Variants in ZBTB43 observed in about 807,000 individuals in gnomAD.
The protein encoded by ZBTB43 is zinc finger and BTB domain containing 43, also known as zinc finger and BTB domain-containing protein 43.
ZBTB43 carries 6 observed loss-of-function variants against 31.1 expected under a neutral mutation model. The observed-to-expected ratio is 0.19, with a 90% CI of 0.11 to 0.38. The LOEUF (loss-of-function observed/expected upper bound fraction) is 0.38, where lower values mean the gene tolerates loss of function less well. Ranked by LOEUF, ZBTB43 falls within the 10% of genes least tolerant of loss-of-function variation. The pLI is 1.00. For synonymous variants in ZBTB43, 212 were observed against 221.7 expected (o/e 0.96, Z 0.39); for missense variants, 379 against 602.1 (o/e 0.63, Z 3.88).
upstream of ZBTB43, chr9:126,804,916 A>T (rs1038984782): frequency 3.9e-5 from 6 of 152,390 alleles, no homozygotes; most frequent in African/African-American, 9.7e-5. Context: ...CTCTCTCCCG[A>T]CGCCCAGCTC....
intron 2 of ZBTB43, among the ~76,000 whole-genome samples, chr9:126,811,875 C>T (rs1378399704): frequency 2.6e-5 from 4 of 152,204 alleles, no homozygotes; most frequent in Admixed American, 2.6e-4. Context: ...CCACCCACCT[C>T]GGCCTCCCGA....
Position 126,805,067 on chromosome 9 carries a change from A to G in ZBTB43, c.-212A>G, listed in dbSNP as rs1479793574. 2 of 152,450 alleles carry G rather than the reference A, an allele frequency of 1.3e-5. No individual in the cohort carries two copies. Among genetic ancestry groups the G allele is most frequent in the African/African-American group, 2.4e-5 (1 of 41,464 alleles). 9.4% of individuals were successfully genotyped at this position (152,450 alleles called of 1,614,324 possible). Reference sequence around the variant, plus strand: ...ATCTGTTGCGGCAGCTGAGGCTACAACAGGCCTGCGCCGGCGGCAGAGAGG... The same window carrying G: ...ATCTGTTGCGGCAGCTGAGGCTACAGCAGGCCTGCGCCGGCGGCAGAGAGG... On this transcript the variant is annotated 5_prime_UTR_variant, in exon 1 of 3. Transcript: ENST00000373464.
chr9:126,831,074 G>A (rs79064521), intron 2 of ZBTB43, among the ~76,000 whole-genome samples: 1,631 of 152,182 alleles, frequency 0.011, 29 homozygotes, highest in African/African-American at 0.037. Flanking sequence ...GCAGCAGCTG[G>A]AGAAATCTGC....
intron 2 of ZBTB43, among the ~76,000 whole-genome samples, chr9:126,829,346 A>G (rs1179811074): frequency 6.6e-6 from 1 of 152,228 alleles, no homozygotes; most frequent in Non-Finnish European, 1.5e-5. Flanking sequence ...TAGTTATGCA[A>G]AAATATCTAT....
At chr9:126,826,139 G>A (rs1187333480) in intron 2 of ZBTB43, among the ~76,000 whole-genome samples, 32 of 150,942 alleles carry the variant, frequency 2.1e-4, no homozygotes, top group African/African-American at 5.1e-4. Context: ...TCAGCCTCCC[G>A]AGTAGCTGGT....
At chr9:126,832,348 G>T in intron 2 of ZBTB43, 139 bp from the exon 3 acceptor site, 1 of 760,564 alleles carries the variant, frequency 1.3e-6, no homozygotes, top group Non-Finnish European at 2.1e-6. Flanking sequence ...TTTGCTCTAG[G>T]GATTGAATCC....
At chr9:126,832,092 ACT>A in intron 2 of ZBTB43, 1 of 171,080 alleles carries the variant, frequency 5.8e-6, no homozygotes, top group Non-Finnish European at 1.3e-5. Context: ...GTGCCACTGC[ACT>A]CCAGCCTGGG....
intron 2 of ZBTB43, among the ~76,000 whole-genome samples, chr9:126,812,021 A>G (rs1282447252): frequency 6.6e-6 from 1 of 152,026 alleles, no homozygotes; most frequent in Non-Finnish European, 1.5e-5. Flanking sequence ...ACCCATCACC[A>G]CAATCTAATT....
chr9:126,816,211 T>A (rs781074379), intron 2 of ZBTB43, among the ~76,000 whole-genome samples: 2 of 152,200 alleles, frequency 1.3e-5, no homozygotes, highest in Non-Finnish European at 2.9e-5. Flanking sequence ...CTTTATCATC[T>A]TCTCTCTCGC....
rs115881153 is a variant in ZBTB43, at chr9:126,830,735, G to A, written c.-23-1752G>A. Among the ~76,000 whole-genome samples, 693 of 150,840 alleles carry A rather than the reference G, an allele frequency of 4.6e-3. 6 individuals carry two copies. The highest frequency in any genetic ancestry group is 0.016 in the African/African-American group (669 of 40,622). On this transcript the variant is annotated intron_variant, in intron 2 of 2. Coordinates refer to ENST00000373464, the MANE Select transcript of ZBTB43 (RefSeq NM_014007.4). The stretch of plus-strand genomic sequence containing the variant: ...ACATATGCAGTAATAAATCGTTTGG[G>A]TGGTTTTTTTTTTTTTGCTTTAATT...
At chr9:126,819,174 G>A (rs957739961) in intron 2 of ZBTB43, among the ~76,000 whole-genome samples, 5 of 151,468 alleles carry the variant, frequency 3.3e-5, no homozygotes, top group African/African-American at 7.3e-5. Context: ...ATTAAGACTC[G>A]TTTATGGTCT....
Position 126,837,445 on chromosome 9 carries a change from G to A in ZBTB43, c.*3532G>A, listed in dbSNP as rs2032905851. ...AGCCTCCAGGGCTCCCTCCTTGAGAGGCTCACACACCCCCAAGCTGCTGTG... is the reference window on the plus strand; with the variant it reads ...AGCCTCCAGGGCTCCCTCCTTGAGAAGCTCACACACCCCCAAGCTGCTGTG... On this transcript the variant is annotated 3_prime_UTR_variant, in exon 3 of 3. Transcript: ENST00000373464. The A allele has an allele frequency of 6.0e-6, 1 of 167,164 alleles. No homozygotes were observed. The highest frequency in any genetic ancestry group is 2.1e-4 in the South Asian group (1 of 4,836). 10.4% of individuals were successfully genotyped at this position (167,164 alleles called of 1,614,324 possible).
At chr9:126,824,270 C>G (rs1232341693) in intron 2 of ZBTB43, among the ~76,000 whole-genome samples, 1 of 152,236 alleles carries the variant, frequency 6.6e-6, no homozygotes, top group Admixed American at 6.5e-5. Flanking sequence ...AATGATCCAC[C>G]TGCCTTGGCC....
intron 2 of ZBTB43, among the ~76,000 whole-genome samples, chr9:126,820,885 G>T (rs967635722): frequency 6.7e-6 from 1 of 148,488 alleles, no homozygotes; most frequent in Non-Finnish European, 1.5e-5. Context: ...GGAGGATCAC[G>T]TGAGCCAGAG....
At chr9:126,811,148 G>A (rs2032238785) in intron 2 of ZBTB43, among the ~76,000 whole-genome samples, 1 of 151,416 alleles carries the variant, frequency 6.6e-6, no homozygotes, top group Admixed American at 6.6e-5. Context: ...CTTGAACCTG[G>A]GAGGCGGAGG....
chr9:126,821,470 A>T (rs1452158860), intron 2 of ZBTB43, among the ~76,000 whole-genome samples: 1 of 152,226 alleles, frequency 6.6e-6, no homozygotes, highest in Non-Finnish European at 1.5e-5. Context: ...GGTGGGAGGA[A>T]ATCAAAATAT....
At chr9:126,814,337 A>T (rs2032324794) in intron 2 of ZBTB43, among the ~76,000 whole-genome samples, 1 of 19,626 alleles carries the variant, frequency 5.1e-5, no homozygotes. Context: ...TGTAAATTTT[A>T]CATCTGTAAA....
At chr9:126,817,314 T>G (rs1238171635) in intron 2 of ZBTB43, among the ~76,000 whole-genome samples, 1 of 151,548 alleles carries the variant, frequency 6.6e-6, no homozygotes, top group Non-Finnish European at 1.5e-5. Context: ...TCTTGCTATG[T>G]TGCCCAGGCT....
At chr9:126,817,580 A>G (rs1301400620) in intron 2 of ZBTB43, among the ~76,000 whole-genome samples, 2 of 150,204 alleles carry the variant, frequency 1.3e-5, no homozygotes, top group Non-Finnish European at 1.5e-5. Context: ...GGTTCACACC[A>G]TTCTCCTGCC....
Sources: allele counts gnomAD v4.1 joint callset (sites outside exome capture counted in the v4.1 genomes callset), GRCh38; gene constraint gnomAD v4.1.1; transcripts MANE v1.5; gene names NCBI Gene and HGNC (gene_info 2026-07-23, HGNC 2026-07-21).